Variants in BMP6 observed in about 807,000 individuals in gnomAD.
BMP6 encodes VG-1-R.
In BMP6, 17 loss-of-function variants were observed where a neutral mutation model predicts 54.1. The ratio of observed to expected loss-of-function variants is 0.31; its 90% CI spans 0.22 to 0.47. The LOEUF (loss-of-function observed/expected upper bound fraction) is 0.47, where lower values mean the gene tolerates loss of function less well. Ranked by LOEUF, BMP6 falls within the 20% of genes least tolerant of loss-of-function variation. The pLI is 1.00. For synonymous variants in BMP6, 328 were observed against 291.2 expected, an observed-to-expected ratio of 1.13 and a Z score of -1.28; for missense variants, 720 against 690.4, an observed-to-expected ratio of 1.04 and a Z score of -0.48.
chr6:7,849,544 A>T (rs914928330), intron 2 of BMP6, among the ~76,000 whole-genome samples: 1 of 152,148 alleles, frequency 6.6e-6, no homozygotes. Context: ...TTTTCACAAC[A>T]TGCACTCATG....
chr6:7,764,387 C>T (rs1057460522), intron 1 of BMP6, among the ~76,000 whole-genome samples: 1 of 152,158 alleles, frequency 6.6e-6, no homozygotes, highest in Non-Finnish European at 1.5e-5. Flanking sequence ...CTCACGGGTC[C>T]AGCAGCTTGT....
In BMP6 at chr6:7,727,388, G is replaced by A. The variant is rs1238092151; in HGVS notation, c.433G>A (p.Ala145Thr). The A allele has an allele frequency of 6.2e-6, 10 of 1,607,856 alleles. No homozygotes were observed. Among genetic ancestry groups the A allele is most frequent in the South Asian group, 1.1e-5 (1 of 90,468 alleles). ...FMLDLYNALSADNDEDGASEG... is the reference protein window; with the variant it reads ...FMLDLYNALSTDNDEDGASEG... The stretch of plus-strand genomic sequence containing the variant: ...GCTGGATCTGTACAACGCCCTGTCC[G>A]CCGACAACGACGAGGACGGGGCGTC... Residue 145 changes from alanine to threonine, a missense_variant, in exon 1 of 7, where the codon GCC (alanine) becomes ACC (threonine). Physicochemically the swap from Ala to Thr is moderately conservative, Grantham distance 58. This residue lies in a region of BMP6 where 650 missense variants were observed against 556.3 expected (regional missense o/e 1.17). Coordinates refer to ENST00000283147, the MANE Select transcript of BMP6 (RefSeq NM_001718.6).
chr6:7,880,779 C>G lies in BMP6; in HGVS notation c.*436C>G, dbSNP rs1759706841. The G allele has an allele frequency of 5.1e-6, 1 of 194,890 alleles. No individual in the cohort carries two copies. Among genetic ancestry groups the G allele is most frequent in the South Asian group, 1.1e-4 (1 of 9,432 alleles). The allele number at this position is 194,890 out of a possible 1,614,324, so 12.1% of individuals were successfully genotyped here. ...TACTGTCTATCAAAGGTAGATTTTA[C>G]AGAGAACAGAAATCGGGGAAGTGGG... On this transcript the variant is annotated 3_prime_UTR_variant, in exon 7 of 7. Transcript: ENST00000283147.
At chr6:7,806,104 C>G (rs1273265880) in intron 1 of BMP6, among the ~76,000 whole-genome samples, 1 of 152,240 alleles carries the variant, frequency 6.6e-6, no homozygotes, top group Non-Finnish European at 1.5e-5. Flanking sequence ...TCTACAAAGC[C>G]TGCTCAACAA....
rs3799532 is a variant in BMP6 at position 7,868,025 on chromosome 6, A to G, written c.1204+5527A>G. On this transcript the variant is annotated intron_variant, in intron 4 of 6. Coordinates refer to ENST00000283147, the MANE Select transcript of BMP6 (RefSeq NM_001718.6). ...CCAACCCTGGGAGGGCACTGGGGCC[A>G]GGAGACTCAGTCTAGGAAGTGGCAG... Among the ~76,000 whole-genome samples, 160 of 152,360 alleles carry G rather than the reference A, an allele frequency of 1.1e-3. 7 individuals are homozygous for G. The East Asian group carries it at 0.028, about 26-fold the overall frequency.
In BMP6 at chr6:7,869,607, G is replaced by A. The variant is rs893145037; in HGVS notation, c.1204+7109G>A. Among the ~76,000 whole-genome samples the A allele has an allele frequency of 6.6e-5, 10 of 152,294 alleles. 1 individual carries two copies. Among genetic ancestry groups the A allele is most frequent in the Admixed American group, 1.3e-4 (2 of 15,302 alleles). On this transcript the variant is annotated intron_variant, in intron 4 of 6. Transcript: ENST00000283147. ...TTCTGCAGTTTTCAGTTTGCCTTGG[G>A]ACGATTAGGATGCCCTGCCCCGTCA...
chr6:7,785,505 A>G (rs186260015), intron 1 of BMP6, among the ~76,000 whole-genome samples: 22 of 152,366 alleles, frequency 1.4e-4, no homozygotes, highest in Non-Finnish European at 1.3e-4. Flanking sequence ...AAACTGGGAA[A>G]GGCGTCCTTC....
intron 1 of BMP6, among the ~76,000 whole-genome samples, chr6:7,728,248 C>A (rs1225661729): frequency 2.0e-5 from 3 of 152,200 alleles, no homozygotes; most frequent in South Asian, 4.1e-4. Context: ...CTGTTTGGGG[C>A]GGGATGAAAG....
chr6:7,863,220 G>A (rs145263662), intron 4 of BMP6, among the ~76,000 whole-genome samples: 1,994 of 152,134 alleles, frequency 0.013, 21 homozygotes, highest in Non-Finnish European at 0.018. Context: ...GGATGGTCTC[G>A]ATCTCCTGAC....
chr6:7,802,975 T>G lies in BMP6; in HGVS notation c.665-42165T>G, dbSNP rs533375770. On this transcript the variant is annotated intron_variant, in intron 1 of 6. Transcript: ENST00000283147. ...GGGATACAACAGATGCTAAGAGAGA[T>G]ATGGTTGCTATACAGATGAACCTTT... Among the ~76,000 whole-genome samples, 39 of 152,288 alleles carry G rather than the reference T, an allele frequency of 2.6e-4. No individual in the cohort carries two copies. In the South Asian group the frequency reaches 7.0e-3, roughly 27 times the overall value.
chr6:7,850,237 G>C lies in BMP6; in HGVS notation c.857+4905G>C, dbSNP rs551583624. 2.6e-5 allele frequency among the ~76,000 whole-genome samples: 4 copies of C among 152,184 alleles called. No homozygotes were observed. The South Asian group carries it at 8.3e-4, about 32-fold the overall frequency. ...GGCTCACTGCAAGCTCCACCTCCTG[G>C]GTTCAAGCCATTCTCTTGCCTCAGC... On this transcript the variant is annotated intron_variant, in intron 2 of 6. Transcript: ENST00000283147.
At chr6:7,833,896 T>TA (rs1022097522) in intron 1 of BMP6, among the ~76,000 whole-genome samples, 3 of 152,156 alleles carry the variant, frequency 2.0e-5, no homozygotes, top group Non-Finnish European at 2.9e-5. Flanking sequence ...GGCCTCCTGC[T>TA]AAAAAACGAC....
intron 1 of BMP6, among the ~76,000 whole-genome samples, chr6:7,733,513 C>T (rs61668994): frequency 0.12 from 18,704 of 152,166 alleles, 1,356 homozygotes; most frequent in East Asian, 0.17. Flanking sequence ...CTGTCCCCCC[C>T]TCCCTAGGCC....
chr6:7,835,467 C>T (rs926647057), intron 1 of BMP6, among the ~76,000 whole-genome samples: 3 of 152,054 alleles, frequency 2.0e-5, no homozygotes, highest in African/African-American at 7.2e-5. Flanking sequence ...GGATATTGTG[C>T]CTGTTGTTCC....
At chr6:7,809,148 T>TA (rs1438065039) in intron 1 of BMP6, among the ~76,000 whole-genome samples, 18 of 125,448 alleles carry the variant, frequency 1.4e-4, no homozygotes, top group African/African-American at 5.3e-4. Flanking sequence ...ACATGTTGAC[T>TA]AAAAAATGTA....
At chr6:7,869,942 C>T (rs1017296076) in intron 4 of BMP6, among the ~76,000 whole-genome samples, 1 of 152,142 alleles carries the variant, frequency 6.6e-6, no homozygotes, top group African/African-American at 2.4e-5. Flanking sequence ...CAGCATGTAC[C>T]CCTGATGGCC....
intron 2 of BMP6, 35 bp downstream of exon 2, chr6:7,845,367 T>C (rs746278811): frequency 5.1e-6 from 8 of 1,571,276 alleles, no homozygotes; most frequent in South Asian, 3.5e-5. Context: ...AAGGTGGGGC[T>C]GGCCCCTGTT....
At chr6:7,876,750 G>A (rs886356187) in intron 4 of BMP6, among the ~76,000 whole-genome samples, 1 of 151,996 alleles carries the variant, frequency 6.6e-6, no homozygotes, top group African/African-American at 2.4e-5. Context: ...ATTTTCAATG[G>A]TTATGGTTTT....
intron 4 of BMP6, among the ~76,000 whole-genome samples, chr6:7,865,441 C>G (rs969405423): frequency 1.3e-5 from 2 of 152,202 alleles, no homozygotes; most frequent in Non-Finnish European, 1.5e-5. Flanking sequence ...CAAAGATCCT[C>G]TAAGTGATCT....
Sources: allele counts gnomAD v4.1 joint callset (sites outside exome capture counted in the v4.1 genomes callset), GRCh38; gene constraint gnomAD v4.1.1; regional missense constraint gnomAD v4.1.1; transcripts MANE v1.5; gene names NCBI Gene and HGNC (gene_info 2026-07-23, HGNC 2026-07-21).